ARSB: variants seen among roughly 807,000 people sequenced by gnomAD.
The protein encoded by ARSB is arylsulfatase B, also known as N-acetylgalactosamine-4-sulfatase.
In ARSB, 41 loss-of-function variants were observed where a neutral mutation model predicts 50.9. The observed-to-expected ratio is 0.81, with a 90% CI of 0.63 to 1.04. ARSB has a LOEUF of 1.04. Among genes scored for constraint, ARSB ranks in the 50% least tolerant of loss-of-function variants. The pLI, the probability that ARSB is intolerant of heterozygous loss-of-function variation, is 0.00. For synonymous variants in ARSB, 269 were observed against 284.8 expected (o/e 0.94, Z 0.56); for missense variants, 672 against 693.3 (o/e 0.97, Z 0.35).
At chr5:78,976,025 C>T (rs898389687) in intron 1 of ARSB, among the ~76,000 whole-genome samples, 1 of 151,978 alleles carries the variant, frequency 6.6e-6, no homozygotes, top group African/African-American at 2.4e-5. Flanking sequence ...ATTAGAAAAG[C>T]TGGAGAATTT....
intron 5 of ARSB, among the ~76,000 whole-genome samples, chr5:78,853,041 C>A (rs1052147867): frequency 1.3e-5 from 2 of 152,188 alleles, no homozygotes; most frequent in African/African-American, 2.4e-5. Context: ...TAGTCTGAAG[C>A]CTTCTTTTCT....
At chr5:78,883,658 T>C (rs868835718) in intron 5 of ARSB, 62 of 152,286 alleles carry the variant, frequency 4.1e-4, no homozygotes, top group African/African-American at 1.4e-3. Flanking sequence ...AAATCAGATT[T>C]TCCCTTGGGT....
At chr5:78,810,468 C>T (rs1743766238) in intron 6 of ARSB, among the ~76,000 whole-genome samples, 1 of 152,204 alleles carries the variant, frequency 6.6e-6, no homozygotes, top group African/African-American at 2.4e-5. Context: ...ATTTGGAAAC[C>T]TACATCCCAT....
intron 7 of ARSB, 124 bp from the exon 8 acceptor site, chr5:78,780,786 C>T: frequency 8.6e-7 from 1 of 1,161,920 alleles, no homozygotes; most frequent in South Asian, 1.3e-5. Flanking sequence ...AAGATGCGGC[C>T]CTAGATGCTG....
intron 6 of ARSB, among the ~76,000 whole-genome samples, chr5:78,818,715 C>T (rs1483460415): frequency 6.8e-6 from 1 of 146,136 alleles, no homozygotes; most frequent in Non-Finnish European, 1.5e-5. Context: ...CCTCCTGGGT[C>T]CATGCCATTC....
chr5:78,808,341 C>G (rs1275066383), intron 6 of ARSB, among the ~76,000 whole-genome samples: 1 of 151,964 alleles, frequency 6.6e-6, no homozygotes, highest in Non-Finnish European at 1.5e-5. Context: ...AAATAAACCC[C>G]TCATAATCAT....
In ARSB at chr5:78,781,972, G is replaced by A. The variant is rs767959488; in HGVS notation, c.1216C>T (p.Pro406Ser). 2.5e-6 allele frequency: 4 copies of A among 1,613,960 alleles called. No homozygotes were observed. Among genetic ancestry groups the A allele is most frequent in the South Asian group, 1.1e-5 (1 of 91,086 alleles). The change falls in exon 7 of 8, where the codon CCC (proline) becomes TCC (serine). Residue 406 changes from proline to serine, a missense_variant and splice_region_variant. By Grantham distance (74) the Pro-to-Ser change is moderately conservative (BLOSUM62 -1). Coordinates refer to ENST00000264914, the MANE Select transcript of ARSB (RefSeq NM_000046.5). ...DPNFVDSSPCPRNSMAPAKDD... is the reference protein window; with the variant it reads ...DPNFVDSSPCSRNSMAPAKDD... Reference sequence around the variant, plus strand: ...TTTGCTGGAGCCATGCTGTTCCTGGGACCTGGGAAGAAATAGTTTGAAAGA... The same window carrying A: ...TTTGCTGGAGCCATGCTGTTCCTGGAACCTGGGAAGAAATAGTTTGAAAGA...
intron 4 of ARSB, among the ~76,000 whole-genome samples, chr5:78,919,226 G>A (rs2112344489): frequency 6.6e-6 from 1 of 152,316 alleles, no homozygotes; most frequent in African/African-American, 2.4e-5. Context: ...TCATGACAGG[G>A]CAAGCTGTGG....
chr5:78,877,124 A>T (rs1404156093), intron 5 of ARSB, among the ~76,000 whole-genome samples: 1 of 152,138 alleles, frequency 6.6e-6, no homozygotes, highest in African/African-American at 2.4e-5. Context: ...AACTACCTGT[A>T]AGGATTAAGG....
chr5:78,964,551 G>T lies in ARSB; in HGVS notation c.555C>A (p.Asp185Glu), dbSNP rs780886808. 1 of 1,613,960 alleles carries T rather than the reference G, an allele frequency of 6.2e-7. No homozygotes were observed. The highest frequency in any genetic ancestry group is 2.2e-5 in the East Asian group (1 of 44,870). Residue 185 changes from aspartate (D) to glutamate (E), a missense_variant, in exon 3 of 8, where the codon GAC (aspartate) becomes GAA (glutamate). Asp to Glu is a conservative substitution (Grantham distance 45). Transcript: ENST00000264914. ...YYSHERCTLI[D>E]ALNVTRCALD... The stretch of plus-strand genomic sequence containing the variant: ...GAGCACATCGTGTGACATTCAGAGC[G>T]TCAATTAATGTACAGCGTTCATGGG...
Position 78,780,550 on chromosome 5 carries a change from T to A in ARSB, c.1449A>T (p.Glu483Asp), listed in dbSNP as rs1064793027. The A allele has an allele frequency of 6.8e-6, 11 of 1,614,044 alleles. No homozygotes were observed. The highest frequency in any genetic ancestry group is 9.3e-6 in the Non-Finnish European group (11 of 1,180,038). The change falls in exon 8 of 8, where the codon GAA becomes GAT. Residue 483 changes from glutamate (E) to aspartate (D), a missense_variant. By Grantham distance (45) the Glu-to-Asp change is conservative. Transcript: ENST00000264914. ...WLFDIDRDPE[E>D]RHDLSREYPH... ...GATATTCTCTGGACAGGTCATGTCT[T>A]TCTTCAGGGTCCCGATCAATATCAA... is the stretch of plus-strand genomic sequence containing the variant.
At chr5:78,825,283 C>T (rs976903440) in intron 6 of ARSB, among the ~76,000 whole-genome samples, 1 of 152,176 alleles carries the variant, frequency 6.6e-6, no homozygotes, top group African/African-American at 2.4e-5. Context: ...ACATGCTCTT[C>T]CAAGTGTCTG....
chr5:78,900,318 C>T (rs545316569), intron 4 of ARSB, among the ~76,000 whole-genome samples: 1 of 152,130 alleles, frequency 6.6e-6, no homozygotes, highest in Non-Finnish European at 1.5e-5. Flanking sequence ...TTTGTTGCAG[C>T]CTGTCCTCAG....
At chr5:78,810,268 T>C (rs1202635486) in intron 6 of ARSB, among the ~76,000 whole-genome samples, 1 of 152,218 alleles carries the variant, frequency 6.6e-6, no homozygotes. Context: ...ATTAAGTGCA[T>C]GTCCAAAACC....
chr5:78,935,793 A>G (rs919934653), intron 4 of ARSB, among the ~76,000 whole-genome samples: 2 of 152,166 alleles, frequency 1.3e-5, no homozygotes, highest in Admixed American at 1.3e-4. Flanking sequence ...AAAATAAGGC[A>G]CTGGAAGTTT....
At position 78,797,759 on chromosome 5, in the gene ARSB, C is replaced by T. The variant is rs11953253; in HGVS notation, c.1214-15785G>A. Among the ~76,000 whole-genome samples the T allele has an allele frequency of 9.9e-3, 1,501 of 152,266 alleles. 20 individuals are homozygous for T. Among genetic ancestry groups the T allele is most frequent in the African/African-American group, 0.035 (1,437 of 41,554 alleles). On this transcript the variant is annotated intron_variant, in intron 6 of 7. Transcript: ENST00000264914. ...TTATGGGTAACCCCTCTCTAATGTC[C>T]GATGTGCACTGCCAAGTCCTGGACT...
chr5:78,880,916 C>T (rs767364526), intron 5 of ARSB, among the ~76,000 whole-genome samples: 1 of 152,116 alleles, frequency 6.6e-6, no homozygotes, highest in African/African-American at 2.4e-5. Flanking sequence ...CCTCACATAA[C>T]ACGCACACCA....
chr5:78,888,856 G>A (rs1230331403), intron 4 of ARSB, among the ~76,000 whole-genome samples: 1 of 152,254 alleles, frequency 6.6e-6, no homozygotes, highest in African/African-American at 2.4e-5. Flanking sequence ...TTAGTTCTCT[G>A]TGATGTTTTG....
intron 5 of ARSB, among the ~76,000 whole-genome samples, chr5:78,866,721 G>T (rs12658374): frequency 2.0e-5 from 3 of 152,222 alleles, no homozygotes; most frequent in East Asian, 3.9e-4. Context: ...GGATGGTAAA[G>T]GGAAGGAAGG....
Sources: gnomAD v4.1 joint callset for allele counts (sites outside exome capture counted in the v4.1 genomes callset) on GRCh38, gnomAD v4.1.1 for gene constraint, MANE v1.5 for transcripts, NCBI Gene and HGNC (gene_info 2026-07-23, HGNC 2026-07-21) for gene names.